TDRD3: variants seen among roughly 807,000 people sequenced by gnomAD.
TDRD3 encodes tudor domain-containing protein 3.
Under a neutral mutation model 86.7 loss-of-function variants are expected in TDRD3, and 45 were observed. The observed-to-expected ratio is 0.52, with a 90% CI of 0.41 to 0.67. TDRD3 has a LOEUF of 0.67. Ranked by LOEUF, TDRD3 falls within the 30% of genes least tolerant of loss-of-function variation. The pLI is 0.00. For synonymous variants in TDRD3, 298 were observed against 301.7 expected (o/e 0.99, Z 0.13); for missense variants, 814 against 889.0 (o/e 0.92, Z 1.07).
chr13:60,427,255 T>C (rs747491717), intron 1 of TDRD3, among the ~76,000 whole-genome samples: 50 of 152,324 alleles, frequency 3.3e-4, no homozygotes, highest in South Asian at 6.2e-4. Context: ...ATTGATTTTG[T>C]TTTTTCTTCA....
At chr13:60,402,570 TTAAAG>T (rs1259238832) in intron 1 of TDRD3, among the ~76,000 whole-genome samples, 2 of 152,188 alleles carry the variant, frequency 1.3e-5, no homozygotes, top group African/African-American at 4.8e-5. Context: ...TTCATGGCCT[TTAAAG>T]TAAGTCACAT....
intron 5 of TDRD3, among the ~76,000 whole-genome samples, chr13:60,474,321 A>C (rs563880083): frequency 6.6e-6 from 1 of 152,252 alleles, no homozygotes; most frequent in East Asian, 1.9e-4. Context: ...AAATAACAGC[A>C]TAGCTAGGCA....
chr13:60,436,432 CTTGAGTCGA>C (rs1429011573), intron 1 of TDRD3, among the ~76,000 whole-genome samples: 1 of 152,040 alleles, frequency 6.6e-6, no homozygotes, highest in African/African-American at 2.4e-5. Context: ...TTTGATCCAT[CTTGAGTCGA>C]TTTTTGTATA....
At chr13:60,420,523 T>A (rs1954628377) in intron 1 of TDRD3, among the ~76,000 whole-genome samples, 1 of 152,160 alleles carries the variant, frequency 6.6e-6, no homozygotes, top group Non-Finnish European at 1.5e-5. Context: ...GATCAAATTA[T>A]GTTGGTTTGT....
intron 5 of TDRD3, among the ~76,000 whole-genome samples, chr13:60,474,954 A>T (rs1956153870): frequency 6.6e-6 from 1 of 151,488 alleles, no homozygotes; most frequent in Non-Finnish European, 1.5e-5. Context: ...AGATTTTTTA[A>T]ATTTTTCTTA....
chr13:60,528,561 C>T lies in TDRD3; in HGVS notation c.1336C>T (p.Pro446Ser). The T allele has an allele frequency of 6.2e-7, 1 of 1,613,974 alleles. No homozygotes were observed. The highest frequency in any genetic ancestry group is 8.5e-7 in the Non-Finnish European group (1 of 1,179,934). Residue 446 changes from proline (P) to serine (S), a missense_variant, in exon 11 of 14, where the codon CCT (proline) becomes TCT (serine). Transcript: ENST00000377881. ...SKSVLEGSGLPRNRGSERPST... is the reference protein window; with the variant it reads ...SKSVLEGSGLSRNRGSERPST... ...GTCAGTTTTAGAAGGCAGTGGATTACCTAGAAATAGAGGTTCTGAAAGACC... is the reference window on the plus strand; with the variant it reads ...GTCAGTTTTAGAAGGCAGTGGATTATCTAGAAATAGAGGTTCTGAAAGACC...
chr13:60,467,406 T>C lies in TDRD3; in HGVS notation c.495+27T>C. 3.1e-6 allele frequency: 5 copies of C among 1,607,138 alleles called. No individual in the cohort carries two copies. In the South Asian group the frequency reaches 4.4e-5, roughly 14 times the overall value. Reference sequence around the variant, plus strand: ...TAAGTGTAAACTATGGCTTGAACTTTTGAAACATTACACTCTTTTTTATTG... The same window carrying C: ...TAAGTGTAAACTATGGCTTGAACTTCTGAAACATTACACTCTTTTTTATTG... On this transcript the variant is annotated intron_variant, in intron 5 of 13. Coordinates refer to ENST00000377881, the MANE Select transcript of TDRD3 (RefSeq NM_001146070.2).
intron 1 of TDRD3, among the ~76,000 whole-genome samples, chr13:60,397,615 C>CGGCCTGGGCCCCGGGCGGCG (rs781624299): frequency 2.1e-4 from 31 of 145,730 alleles, no homozygotes; most frequent in South Asian, 1.5e-3. Context: ...GCGGCGGCGG[C>CGGCCTGGGCCCCGGGCGGCG]GGCCTGGGCC....
intron 12 of TDRD3, among the ~76,000 whole-genome samples, chr13:60,555,848 C>CTT (rs770710929): frequency 0.13 from 17,358 of 135,568 alleles, 1,475 homozygotes; most frequent in African/African-American, 0.16. Flanking sequence ...CAACCTATTT[C>CTT]TTTCTTTTTT....
At chr13:60,397,517 C>A in intron 1 of TDRD3, 112 bp downstream of exon 1, 1 of 883,854 alleles carries the variant, frequency 1.1e-6, no homozygotes, top group Non-Finnish European at 1.5e-6. Context: ...CTGTCGTCCG[C>A]CCCCGGCCTC....
intron 5 of TDRD3, among the ~76,000 whole-genome samples, chr13:60,470,122 A>G (rs1371376021): frequency 6.6e-6 from 1 of 152,218 alleles, no homozygotes; most frequent in Non-Finnish European, 1.5e-5. Context: ...ATATGTGTGG[A>G]ATCATACAGT....
At chr13:60,432,467 G>T (rs1057482607) in intron 1 of TDRD3, among the ~76,000 whole-genome samples, 9 of 152,074 alleles carry the variant, frequency 5.9e-5, no homozygotes, top group Non-Finnish European at 1.0e-4. Context: ...TTTTCCTTCT[G>T]CCCTAGAGGA....
At chr13:60,444,440 A>G (rs1329385425) in intron 2 of TDRD3, among the ~76,000 whole-genome samples, 1 of 151,942 alleles carries the variant, frequency 6.6e-6, no homozygotes, top group Non-Finnish European at 1.5e-5. Context: ...TAAAAAGGTT[A>G]CCTAAAGAAA....
chr13:60,399,665 T>G (rs1281606248), intron 1 of TDRD3, among the ~76,000 whole-genome samples: 1 of 152,256 alleles, frequency 6.6e-6, no homozygotes, highest in Non-Finnish European at 1.5e-5. Flanking sequence ...CTTGGGGTTC[T>G]CTGTTAACTG....
chr13:60,432,013 A>G (rs17188215), intron 1 of TDRD3, among the ~76,000 whole-genome samples: 8,403 of 152,120 alleles, frequency 0.055, 327 homozygotes, highest in South Asian at 0.11. Context: ...GTGGTATTCA[A>G]TGTGGGATAG....
At position 60,411,393 on chromosome 13, in the gene TDRD3, A is replaced by G. The variant is rs538446542; in HGVS notation, c.41+13988A>G. On this transcript the variant is annotated intron_variant, in intron 1 of 13. Transcript: ENST00000377881. ...TGAAGTTTGATTATCTTGAAAGTTCAACAGAGCCTTGACATTTTTACTAGT... is the reference window on the plus strand; with the variant it reads ...TGAAGTTTGATTATCTTGAAAGTTCGACAGAGCCTTGACATTTTTACTAGT... Among the ~76,000 whole-genome samples the G allele has an allele frequency of 6.6e-5, 10 of 152,344 alleles. No individual in the cohort carries two copies. The East Asian group carries it at 1.9e-3, about 29-fold the overall frequency.
chr13:60,408,714 G>A (rs567718607), intron 1 of TDRD3, among the ~76,000 whole-genome samples: 7 of 152,200 alleles, frequency 4.6e-5, no homozygotes, highest in Non-Finnish European at 1.0e-4. Context: ...TGACTTGGGT[G>A]CTGTTAAAAG....
At chr13:60,462,598 A>G (rs1955824965) in intron 4 of TDRD3, among the ~76,000 whole-genome samples, 1 of 152,234 alleles carries the variant, frequency 6.6e-6, no homozygotes, top group South Asian at 2.1e-4. Flanking sequence ...GTTACCTTAC[A>G]TGGGCTTTGC....
intron 1 of TDRD3, among the ~76,000 whole-genome samples, chr13:60,399,057 C>CCTAAAA (rs768617435): frequency 2.3e-4 from 35 of 152,208 alleles, no homozygotes; most frequent in Non-Finnish European, 4.0e-4. Context: ...AGGTCCCGAA[C>CCTAAAA]ACGTGTTGAC....
Sources: gnomAD v4.1 joint callset for allele counts (sites outside exome capture counted in the v4.1 genomes callset) on GRCh38, gnomAD v4.1.1 for gene constraint, MANE v1.5 for transcripts, NCBI Gene and HGNC (gene_info 2026-07-23, HGNC 2026-07-21) for gene names.